Variants in ALOXE3 observed in about 807,000 individuals in gnomAD.
The protein encoded by ALOXE3 is arachidonate epidermal lipoxygenase 3.
ALOXE3 carries 78 observed loss-of-function variants against 87.5 expected under a neutral mutation model. That is an observed-to-expected ratio of 0.89 (90% CI 0.74 to 1.08). The LOEUF (loss-of-function observed/expected upper bound fraction) is 1.08. ALOXE3 is among the 50% of genes least tolerant of loss of function. ALOXE3 has a pLI of 0.00. For missense variants in ALOXE3, 946 were observed against 912.4 expected (o/e 1.04, Z -0.47); for synonymous variants, 363 against 370.8 (o/e 0.98, Z 0.24).
intron 13 of ALOXE3, among the ~76,000 whole-genome samples, chr17:8,107,482 A>G (rs1032085985): frequency 1.3e-5 from 2 of 151,980 alleles, no homozygotes; most frequent in Non-Finnish European, 2.9e-5. Context: ...GTGCCTCCAC[A>G]CTCCAGCCTG....
intron 6 of ALOXE3, among the ~76,000 whole-genome samples, chr17:8,112,860 T>C (rs915118927): frequency 6.6e-5 from 10 of 152,046 alleles, no homozygotes; most frequent in African/African-American, 2.4e-4. Flanking sequence ...AGAGACACAA[T>C]CATAGCTCAC....
At chr17:8,107,808 A>C (rs371950019) in intron 13 of ALOXE3, among the ~76,000 whole-genome samples, 442 of 30,776 alleles carry the variant, frequency 0.014, 34 homozygotes, top group African/African-American at 0.028. Flanking sequence ...CAAAAAAAAA[A>C]ACAAGAAAGA....
At chr17:8,114,369 A>G in intron 6 of ALOXE3, 115 bp downstream of exon 6, 1 of 1,417,644 alleles carries the variant, frequency 7.1e-7, no homozygotes. Flanking sequence ...GAGAGGAGGG[A>G]CTGGGGCAGG....
chr17:8,115,756 T>A, intron 3 of ALOXE3, 68 bp from the exon 4 acceptor site: 13 of 1,479,146 alleles, frequency 8.8e-6, no homozygotes, highest in Non-Finnish European at 1.1e-5. Flanking sequence ...AAACCTTGCC[T>A]GAACCCCCTG....
intron 13 of ALOXE3, among the ~76,000 whole-genome samples, chr17:8,107,595 C>T (rs1295621900): frequency 2.0e-5 from 3 of 151,532 alleles, no homozygotes; most frequent in Admixed American, 6.6e-5. Flanking sequence ...GTCAGGAGAT[C>T]GAGACCATCC....
chr17:8,118,464 G>A, intron 1 of ALOXE3, 22 bp downstream of exon 1: 1 of 1,549,378 alleles, frequency 6.5e-7, no homozygotes, highest in South Asian at 1.2e-5. Flanking sequence ...CCCATTCCCA[G>A]GCAGAGATGA....
At chr17:8,107,840 A>AGGTTGGT (rs1491185832) in intron 13 of ALOXE3, among the ~76,000 whole-genome samples, 9 of 4,472 alleles carry the variant, frequency 2.0e-3, no homozygotes, top group South Asian at 7.1e-3. Context: ...AAAGAAAGAA[A>AGGTTGGT]GAAAGAAAGA....
At chr17:8,111,290 A>C in intron 8 of ALOXE3, 69 bp downstream of exon 8, 4 of 1,587,894 alleles carry the variant, frequency 2.5e-6, no homozygotes, top group Non-Finnish European at 3.4e-6. Flanking sequence ...CTCCACACAC[A>C]TCCCTTGTCC....
At chr17:8,113,599 G>C (rs147238585) in intron 6 of ALOXE3, among the ~76,000 whole-genome samples, 1,566 of 152,252 alleles carry the variant, frequency 0.01, 26 homozygotes, top group African/African-American at 0.036. Flanking sequence ...ACTGCAGTGA[G>C]CCAAGATCGA....
At chr17:8,114,884 G>C (rs1048286290) in intron 5 of ALOXE3, 54 bp downstream of exon 5, 2 of 1,611,880 alleles carry the variant, frequency 1.2e-6, no homozygotes, top group East Asian at 4.5e-5. Context: ...CCATCCTCCC[G>C]ACAGACCTTC....
chr17:8,118,871 T>G, upstream of ALOXE3: 1 of 1,518,878 alleles, frequency 6.6e-7, no homozygotes, highest in Non-Finnish European at 8.8e-7. Context: ...GGGAGGAACC[T>G]CTCAGAGAAG....
rs746581891 is a variant in ALOXE3, at chr17:8,104,070, A to G, written c.1785+45T>C. 16 of 1,557,890 alleles carry G rather than the reference A, an allele frequency of 1.0e-5. No homozygotes were observed. The East Asian group carries it at 3.6e-4, about 35-fold the overall frequency. On this transcript the variant is annotated intron_variant, in intron 14 of 15. Transcript: ENST00000448843. ...CAACCCAAATTCAGGCCTCAAGTCC[A>G]TTGCTGAGACCTGATGTCCCCAGGC... is the stretch of plus-strand genomic sequence containing the variant.
rs148749157 is a variant in ALOXE3 at position 8,109,774 on chromosome 17, G to A, written c.1392+142C>T. On this transcript the variant is annotated intron_variant, in intron 11 of 15. Coordinates refer to ENST00000448843, the MANE Select transcript of ALOXE3 (RefSeq NM_021628.3). The stretch of plus-strand genomic sequence containing the variant: ...GACCGGCGGAGTGGGCGGGGCTGGT[G>A]GAAGAGGCAGTGATTGTACAGGTGT... 2.1e-3 allele frequency: 1,749 copies of A among 848,000 alleles called. 25 individuals are homozygous for A. The African/African-American group carries it at 0.027, about 13-fold the overall frequency. The allele number at this position is 848,000 out of a possible 1,614,324, so 52.5% of individuals were successfully genotyped here. A position where few individuals can be genotyped will look rare whatever the true frequency, so the allele number is the denominator to read the frequency against.
At position 8,114,472 on chromosome 17, in the gene ALOXE3, C is replaced by A; in HGVS notation, c.680+12G>T. ...AGATGTAAGATGTTCATTAGAGGGA[C>A]AATGGCCTTACGCAGGGATGGCATT... On this transcript the variant is annotated intron_variant, in intron 6 of 15. Coordinates refer to ENST00000448843, the MANE Select transcript of ALOXE3 (RefSeq NM_021628.3). 6.2e-7 allele frequency: 1 copy of A among 1,613,532 alleles called. No homozygotes were observed. Among genetic ancestry groups the A allele is most frequent in the Non-Finnish European group, 8.5e-7 (1 of 1,179,888 alleles).
rs1427864203 is a variant in ALOXE3 at position 8,117,836 on chromosome 17, G to A, written c.147+8C>T. 1.9e-6 allele frequency: 3 copies of A among 1,609,606 alleles called. No homozygotes were observed. The African/African-American group carries it at 4.0e-5, about 22-fold the overall frequency. ...GAGGTCGCGCTTCCCTGTCTCCTTT[G>A]TACTCACCGATCCAGGGGCGAAGTC... On this transcript the variant is annotated splice_region_variant and intron_variant, in intron 2 of 15. Coordinates refer to ENST00000448843, the MANE Select transcript of ALOXE3 (RefSeq NM_021628.3).
intron 13 of ALOXE3, among the ~76,000 whole-genome samples, chr17:8,106,007 C>G (rs1835468738): frequency 6.7e-6 from 1 of 149,704 alleles, no homozygotes; most frequent in Non-Finnish European, 1.5e-5. Context: ...GGAGGTGAGG[C>G]TGCAGAGGCA....
chr17:8,098,396 T>A (rs950554338), intron 15 of ALOXE3, among the ~76,000 whole-genome samples: 1 of 151,994 alleles, frequency 6.6e-6, no homozygotes, highest in Non-Finnish European at 1.5e-5. Context: ...GCCACCACCA[T>A]GCCTGGCTAA....
intron 7 of ALOXE3, 109 bp downstream of exon 7, chr17:8,111,984 G>T: frequency 9.9e-7 from 1 of 1,009,144 alleles, no homozygotes; most frequent in Non-Finnish European, 1.6e-6. Context: ...CTCAAATCCA[G>T]CAGTCTCCCT....
At chr17:8,105,592 T>C (rs1441789270) in intron 13 of ALOXE3, among the ~76,000 whole-genome samples, 4 of 152,086 alleles carry the variant, frequency 2.6e-5, no homozygotes, top group South Asian at 4.1e-4. Context: ...CAATACTTAA[T>C]AAATACCAAG....
Sources: allele counts gnomAD v4.1 joint callset (sites outside exome capture counted in the v4.1 genomes callset), GRCh38; gene constraint gnomAD v4.1.1; transcripts MANE v1.5; gene names NCBI Gene and HGNC (gene_info 2026-07-23, HGNC 2026-07-21).